Variants in OXTR observed in about 807,000 individuals in gnomAD.
OXTR encodes the protein oxytocin receptor.
Under a neutral mutation model 23.9 loss-of-function variants are expected in OXTR, and 19 were observed. The ratio of observed to expected loss-of-function variants is 0.80; its 90% CI spans 0.56 to 1.17. OXTR has a LOEUF of 1.17. OXTR is among the 50% of genes most tolerant of loss of function. The pLI, the probability that OXTR is intolerant of heterozygous loss-of-function variation, is 0.00. For missense variants in OXTR, 500 were observed against 550.7 expected (o/e 0.91, Z 0.92); for synonymous variants, 278 against 250.5 (o/e 1.11, Z -1.04).
rs202230423 is a variant in OXTR at position 8,751,121 on chromosome 3, C to G, written c.*1856G>C. 2.0e-5 allele frequency: 3 copies of G among 152,304 alleles called. No individual in the cohort carries two copies. The South Asian group carries it at 6.2e-4, about 32-fold the overall frequency. The allele number at this position is 152,304 out of a possible 1,614,324, so 9.4% of individuals were successfully genotyped here. A position where few individuals can be genotyped will look rare whatever the true frequency, so the allele number is the denominator to read the frequency against. ...CATTGTGATTTTGACTTGCATTTCC[C>G]TAATGAATAATAATGTTGAGTATTT... On this transcript the variant is annotated 3_prime_UTR_variant, in exon 4 of 4. Transcript: ENST00000316793.
chr3:8,756,497 C>T (rs567592793), intron 3 of OXTR, among the ~76,000 whole-genome samples: 1 of 152,260 alleles, frequency 6.6e-6, no homozygotes, highest in South Asian at 2.1e-4. Flanking sequence ...CCTGTCAGTC[C>T]CAAAGCCAAG....
chr3:8,759,923 C>G (rs1204308556), intron 3 of OXTR, among the ~76,000 whole-genome samples: 2 of 152,224 alleles, frequency 1.3e-5, no homozygotes, highest in African/African-American at 4.8e-5. Flanking sequence ...TTAGACAAGA[C>G]CCAGCCTAGG....
downstream of OXTR, among the ~76,000 whole-genome samples, chr3:8,748,109 T>C (rs941157310): frequency 7.3e-6 from 1 of 137,598 alleles, no homozygotes; most frequent in Non-Finnish European, 1.6e-5. Flanking sequence ...TCTCATAAGA[T>C]ACATAGGGGA....
chr3:8,745,612 C>A (rs201593267), downstream of OXTR: 73 of 1,613,984 alleles, frequency 4.5e-5, 2 homozygotes, highest in Middle Eastern at 4.8e-3. The surrounding 1 kb of genome is among the most constrained non-coding windows in gnomAD (Gnocchi z 4.8). Context: ...CCTTCACTGT[C>A]TCCAAGTACT....
downstream of OXTR, chr3:8,746,817 A>ACACACACACACG (rs1360528937): frequency 2.0e-5 from 3 of 152,114 alleles, no homozygotes; most frequent in African/African-American, 7.3e-5. Flanking sequence ...ACACACACAC[A>ACACACACACACG]CAGTGCCCTT....
At position 8,762,842 on chromosome 3, in the gene OXTR, C is replaced by T. The variant is rs377495443; in HGVS notation, c.922+4424G>A. On this transcript the variant is annotated intron_variant, in intron 3 of 3. Coordinates refer to ENST00000316793, the MANE Select transcript of OXTR (RefSeq NM_000916.4). ...CAGTGATGGGGCGCTCCTTTCTTTT[C>T]CAGGTTGCCAGTTCTGTTTCAGACA... Among the ~76,000 whole-genome samples, 36 of 152,352 alleles carry T rather than the reference C, an allele frequency of 2.4e-4. No homozygotes were observed. The East Asian group carries it at 6.5e-3, about 28-fold the overall frequency.
Position 8,760,815 on chromosome 3 carries a change from G to C in OXTR, c.922+6451C>G, listed in dbSNP as rs576217997. On this transcript the variant is annotated intron_variant, in intron 3 of 3. Coordinates refer to ENST00000316793, the MANE Select transcript of OXTR (RefSeq NM_000916.4). ...AAGGCCATAGGAACTTGTGGAAAGC[G>C]GCAAATCATCGGGCCTGGCTGGGGG... is the stretch of plus-strand genomic sequence containing the variant. 5.3e-5 allele frequency among the ~76,000 whole-genome samples: 8 copies of C among 152,304 alleles called. No homozygotes were observed. The South Asian group carries it at 8.3e-4, about 16-fold the overall frequency.
intron 3 of OXTR, among the ~76,000 whole-genome samples, chr3:8,756,289 C>T (rs1403395436): frequency 1.3e-5 from 2 of 152,236 alleles, no homozygotes; most frequent in African/African-American, 2.4e-5. Context: ...TGCTCGAGCC[C>T]GCCCAGGAGA....
chr3:8,765,107 TC>T (rs1708576337), intron 3 of OXTR, among the ~76,000 whole-genome samples: 1 of 152,214 alleles, frequency 6.6e-6, no homozygotes, highest in Non-Finnish European at 1.5e-5. Flanking sequence ...CTGGCCAGGA[TC>T]TGTGTGTGTC....
chr3:8,765,061 G>A (rs1261929802), intron 3 of OXTR, among the ~76,000 whole-genome samples: 1 of 152,216 alleles, frequency 6.6e-6, no homozygotes, highest in East Asian at 1.9e-4. Flanking sequence ...AATCCTCAGA[G>A]GACCACAAAC....
chr3:8,767,850 C>A lies in OXTR; in HGVS notation c.338G>T (p.Arg113Leu). 1 of 1,612,460 alleles carries A rather than the reference C, an allele frequency of 6.2e-7. No individual in the cohort carries two copies. The highest frequency in any genetic ancestry group is 8.5e-7 in the Non-Finnish European group (1 of 1,179,208). The change falls in exon 3 of 4, where the codon CGC (arginine) becomes CTC (leucine). Residue 113 changes from arginine (R) to leucine (L), a missense_variant. Physicochemically the swap from Arg to Leu is moderately radical, Grantham distance 102. Transcript: ENST00000316793. The stretch of plus-strand genomic sequence containing the variant: ...CACCACCTGCAAGTACTTGACCAGG[C>A]GGCACAGCAGGTCGGGCCCGTAGAA... Reference protein sequence around the residue: ...FRFYGPDLLCRLVKYLQVVGM... With the variant: ...FRFYGPDLLCLLVKYLQVVGM...
At chr3:8,755,304 T>C (rs1391862441) in intron 3 of OXTR, among the ~76,000 whole-genome samples, 1 of 152,184 alleles carries the variant, frequency 6.6e-6, no homozygotes, top group African/African-American at 2.4e-5. Context: ...ATTTACAACC[T>C]ACCAGCCACA....
At chr3:8,757,764 G>C (rs1708403342) in intron 3 of OXTR, among the ~76,000 whole-genome samples, 1 of 152,090 alleles carries the variant, frequency 6.6e-6, no homozygotes, top group Non-Finnish European at 1.5e-5. Flanking sequence ...TGTCCACCCG[G>C]ACTCCGCGGG....
rs1300969745 is a variant in OXTR, at chr3:8,752,929, C to T, written c.*48G>A. ...ATCACCTAGGAGCAGAGCACTTATGCCAGCACAGCCTGAGCCTCAGGCTGC... is the reference window on the plus strand; with the variant it reads ...ATCACCTAGGAGCAGAGCACTTATGTCAGCACAGCCTGAGCCTCAGGCTGC... On this transcript the variant is annotated 3_prime_UTR_variant, in exon 4 of 4. Coordinates refer to ENST00000316793, the MANE Select transcript of OXTR (RefSeq NM_000916.4). 1 of 1,568,410 alleles carries T rather than the reference C, an allele frequency of 6.4e-7. No individual in the cohort carries two copies.
At chr3:8,741,633 C>T in the OXTR span, among the ~76,000 whole-genome samples, 1 of 152,178 alleles carries the variant, frequency 6.6e-6, no homozygotes, top group South Asian at 2.1e-4. Flanking sequence ...CCAGTGGATA[C>T]TGGGACCATA....
intron 3 of OXTR, among the ~76,000 whole-genome samples, chr3:8,761,431 G>A (rs1708483347): frequency 6.6e-6 from 1 of 152,114 alleles, no homozygotes; most frequent in Non-Finnish European, 1.5e-5. Flanking sequence ...GGCAGGTCCA[G>A]CGATCTAACA....
intron 3 of OXTR, among the ~76,000 whole-genome samples, chr3:8,764,899 G>A (rs1345890429): frequency 6.6e-6 from 1 of 152,208 alleles, no homozygotes; most frequent in Non-Finnish European, 1.5e-5. Context: ...ACCAAGAGAA[G>A]CCCTGGGTTT....
At chr3:8,746,118 A>G, downstream of OXTR, 1 of 486,726 alleles carries the variant, frequency 2.1e-6, no homozygotes, top group Non-Finnish European at 3.7e-6. Flanking sequence ...ATCATTTGCC[A>G]AGAGGCAGCT....
intron 3 of OXTR, among the ~76,000 whole-genome samples, chr3:8,759,539 G>A (rs899872810): frequency 1.3e-5 from 2 of 152,236 alleles, no homozygotes; most frequent in Non-Finnish European, 2.9e-5. Flanking sequence ...AGCCACCGCT[G>A]TCAGTATGTT....
Sources: allele counts gnomAD v4.1 joint callset (sites outside exome capture counted in the v4.1 genomes callset), GRCh38; gene constraint gnomAD v4.1.1; non-coding constraint Gnocchi (gnomAD v3.1); transcripts MANE v1.5; gene names NCBI Gene and HGNC (gene_info 2026-07-23, HGNC 2026-07-21).